The following AGBL4 variants were observed in gnomAD, a reference collection of about 807,000 sequenced individuals.
AGBL4 encodes AGBL carboxypeptidase 4, also known as cytosolic carboxypeptidase 6.
In AGBL4, 58 loss-of-function variants were observed where a neutral mutation model predicts 66.4. That is an observed-to-expected ratio of 0.87 (90% confidence interval 0.71 to 1.09). The LOEUF (loss-of-function observed/expected upper bound fraction) is 1.09. Among genes scored for constraint, AGBL4 ranks in the 50% least tolerant of loss-of-function variants. AGBL4 has a pLI of 0.00. For synonymous variants in AGBL4, 234 were observed against 222.9 expected (o/e 1.05, Z -0.44); for missense variants, 579 against 631.0 (o/e 0.92, Z 0.88).
At chr1:49,589,716 C>T (rs776651583) in intron 3 of AGBL4, among the ~76,000 whole-genome samples, 1 of 151,948 alleles carries the variant, frequency 6.6e-6, no homozygotes, top group Non-Finnish European at 1.5e-5. Context: ...TTTATTACTG[C>T]GAGAGTGAAA....
chr1:48,958,061 C>T (rs879428972), intron 5 of AGBL4, among the ~76,000 whole-genome samples: 5 of 151,704 alleles, frequency 3.3e-5, no homozygotes, highest in East Asian at 1.9e-4. Context: ...GGTTTCACCG[C>T]GTTACCCAGG....
At chr1:49,342,353 G>A (rs2148506671) in intron 3 of AGBL4, among the ~76,000 whole-genome samples, 1 of 152,190 alleles carries the variant, frequency 6.6e-6, no homozygotes, top group Admixed American at 6.5e-5. Flanking sequence ...GAAAATGCAG[G>A]CCGAAAACAA....
intron 1 of AGBL4, among the ~76,000 whole-genome samples, chr1:49,895,388 A>C (rs1649090953): frequency 6.6e-6 from 1 of 152,068 alleles, no homozygotes; most frequent in South Asian, 2.1e-4. Flanking sequence ...TCATAAGCAC[A>C]CAGGAAAACA....
At chr1:48,879,691 C>T (rs528553258) in intron 5 of AGBL4, among the ~76,000 whole-genome samples, 37 of 152,210 alleles carry the variant, frequency 2.4e-4, no homozygotes, top group Admixed American at 4.6e-4. Flanking sequence ...CTTATCTTAT[C>T]CTCACAACAT....
chr1:48,853,363 A>T (rs896725467), intron 6 of AGBL4, among the ~76,000 whole-genome samples: 2 of 152,202 alleles, frequency 1.3e-5, no homozygotes, highest in African/African-American at 4.8e-5. Flanking sequence ...TTCTTGACCT[A>T]CAACAACTGT....
At chr1:48,608,616 A>G (rs1002650220) in intron 9 of AGBL4, among the ~76,000 whole-genome samples, 4 of 152,172 alleles carry the variant, frequency 2.6e-5, no homozygotes, top group African/African-American at 9.7e-5. Flanking sequence ...GATGGACAAG[A>G]CAGGCAACTG....
chr1:49,191,410 C>G (rs1398673130), intron 4 of AGBL4, among the ~76,000 whole-genome samples: 1 of 152,170 alleles, frequency 6.6e-6, no homozygotes, highest in African/African-American at 2.4e-5. Context: ...TGCTGGCATA[C>G]TATGTGTATG....
chr1:49,664,994 G>T (rs1470183920), intron 3 of AGBL4, among the ~76,000 whole-genome samples: 1 of 152,116 alleles, frequency 6.6e-6, no homozygotes. Flanking sequence ...ATGCAGAAGT[G>T]ATTTGGAAAC....
intron 3 of AGBL4, among the ~76,000 whole-genome samples, chr1:49,261,110 G>C (rs1255777369): frequency 1.5e-4 from 23 of 151,924 alleles, no homozygotes; most frequent in East Asian, 3.9e-4. Flanking sequence ...ATTCAACAAC[G>C]CTTCATGCTA....
intron 11 of AGBL4, among the ~76,000 whole-genome samples, chr1:48,564,923 C>G (rs941344791): frequency 6.6e-6 from 1 of 152,206 alleles, no homozygotes; most frequent in Non-Finnish European, 1.5e-5. Context: ...CTTCTGCGCT[C>G]AGACTCTACT....
chr1:48,581,770 C>T (rs1412408875), intron 11 of AGBL4, among the ~76,000 whole-genome samples: 1 of 152,228 alleles, frequency 6.6e-6, no homozygotes. Flanking sequence ...GCAGCCCTAA[C>T]AACAATCCTG....
intron 10 of AGBL4, among the ~76,000 whole-genome samples, chr1:48,588,797 TCAGAG>T (rs1250189651): frequency 1.2e-4 from 7 of 60,858 alleles, no homozygotes; most frequent in East Asian, 3.4e-4. Flanking sequence ...GCATTGAGGA[TCAGAG>T]AAGAGAAGAG....
Position 49,982,810 on chromosome 1 carries a change from T to G in AGBL4, c.34+40953A>C, listed in dbSNP as rs531810820. Among the ~76,000 whole-genome samples, 9 of 152,204 alleles carry G rather than the reference T, an allele frequency of 5.9e-5. No individual in the cohort carries two copies. In the South Asian group the frequency reaches 1.9e-3, roughly 32 times the overall value. On this transcript the variant is annotated intron_variant, in intron 1 of 13. Coordinates refer to ENST00000371839, the MANE Select transcript of AGBL4 (RefSeq NM_032785.4). ...CCAGGGTCTCCTCTCTGCTGAGAGCTAAGAGGTATCCAGACGACCAGCTAT... is the reference window on the plus strand; with the variant it reads ...CCAGGGTCTCCTCTCTGCTGAGAGCGAAGAGGTATCCAGACGACCAGCTAT...
At chr1:50,011,155 CAA>C (rs1324654881) in intron 1 of AGBL4, among the ~76,000 whole-genome samples, 6 of 151,874 alleles carry the variant, frequency 4.0e-5, no homozygotes, top group Non-Finnish European at 8.8e-5. Context: ...AGATTAATAA[CAA>C]GAATATATAA....
chr1:49,758,350 G>T (rs1365245522), intron 2 of AGBL4, among the ~76,000 whole-genome samples: 1 of 152,140 alleles, frequency 6.6e-6, no homozygotes, highest in Non-Finnish European at 1.5e-5. Flanking sequence ...ACCCACACAG[G>T]GTCCTCACTG....
chr1:48,989,638 G>A (rs1022514634), intron 5 of AGBL4, among the ~76,000 whole-genome samples: 4 of 152,024 alleles, frequency 2.6e-5, no homozygotes, highest in African/African-American at 7.2e-5. Flanking sequence ...TTTGTCATTC[G>A]GTGCCTGGCT....
At chr1:49,568,524 A>AC (rs750607745) in intron 3 of AGBL4, among the ~76,000 whole-genome samples, 4 of 49,930 alleles carry the variant, frequency 8.0e-5, no homozygotes, top group Admixed American at 4.0e-4. Flanking sequence ...CACACACACA[A>AC]ATGCCATGCT....
chr1:49,548,642 G>A (rs1248185459), intron 3 of AGBL4, among the ~76,000 whole-genome samples: 1 of 152,134 alleles, frequency 6.6e-6, no homozygotes, highest in South Asian at 2.1e-4. Context: ...GATCATGGTG[G>A]ATTATCTTTT....
At chr1:48,869,386 A>G (rs1648424196) in intron 5 of AGBL4, among the ~76,000 whole-genome samples, 3 of 152,214 alleles carry the variant, frequency 2.0e-5, no homozygotes. Flanking sequence ...AGGTCAACCT[A>G]TGTGGCTTGG....
Sources: gnomAD v4.1 joint callset for allele counts (sites outside exome capture counted in the v4.1 genomes callset) on GRCh38, gnomAD v4.1.1 for gene constraint, MANE v1.5 for transcripts, NCBI Gene and HGNC (gene_info 2026-07-23, HGNC 2026-07-21) for gene names.